The following GPC6 variants were observed in gnomAD, a reference collection of about 807,000 sequenced individuals.
GPC6 encodes the protein glypican-6.
Under a neutral mutation model 55.2 loss-of-function variants are expected in GPC6, and 14 were observed. The ratio of observed to expected loss-of-function variants is 0.25; its 90% CI spans 0.17 to 0.40. GPC6 has a LOEUF of 0.40. GPC6 is among the 10% of genes least tolerant of loss of function. The probability of loss-of-function intolerance (pLI) is 1.00; values close to 1 mark genes in which losing one functional copy is unlikely to be tolerated. For synonymous variants in GPC6, 278 were observed against 259.6 expected (o/e 1.07, Z -0.68); for missense variants, 641 against 708.5 (o/e 0.90, Z 1.08).
chr13:93,778,796 C>A (rs1262802210), intron 2 of GPC6, among the ~76,000 whole-genome samples: 3 of 152,168 alleles, frequency 2.0e-5, no homozygotes, highest in Non-Finnish European at 2.9e-5. Context: ...ACAGCCAAGT[C>A]TTTCCCATGG....
intron 1 of GPC6, among the ~76,000 whole-genome samples, chr13:93,338,060 A>T (rs1355325916): frequency 6.6e-6 from 1 of 152,148 alleles, no homozygotes; most frequent in Admixed American, 6.5e-5. Flanking sequence ...ATTAAACTTT[A>T]ATATTTTATA....
chr13:93,688,155 G>A (rs1000079464), intron 2 of GPC6, among the ~76,000 whole-genome samples: 2 of 152,052 alleles, frequency 1.3e-5, no homozygotes, highest in African/African-American at 4.8e-5. Flanking sequence ...GGGATTATGA[G>A]ATAACTTTGT....
chr13:93,441,282 A>G (rs1209794630), intron 1 of GPC6, among the ~76,000 whole-genome samples: 1 of 152,174 alleles, frequency 6.6e-6, no homozygotes. Flanking sequence ...TGTCTTCCAC[A>G]ATGGTTGAAC....
chr13:93,323,742 TA>T (rs1184931509), intron 1 of GPC6, among the ~76,000 whole-genome samples: 1 of 152,174 alleles, frequency 6.6e-6, no homozygotes, highest in Non-Finnish European at 1.5e-5. Context: ...AGTAAATTGT[TA>T]ATAGTAGCTG....
rs1182821705 is a variant in GPC6, at chr13:94,023,305, GT to G, written c.712-4413del. ...ATATAGACTTATCTAATTTTTCAGA[GT>G]TTTTTTTTTTAATGTTGGATGTTTT... On this transcript the variant is annotated intron_variant, in intron 3 of 8. Transcript: ENST00000377047. Among the ~76,000 whole-genome samples the G allele has an allele frequency of 5.2e-3, 747 of 144,194 alleles. 20 individuals carry two copies. The highest frequency in any genetic ancestry group is 0.04 in the Admixed American group (586 of 14,490). The allele number at this position is 144,194 out of a possible 152,430, so 94.6% of individuals were successfully genotyped here. A position where few individuals can be genotyped will look rare whatever the true frequency, so the allele number is the denominator to read the frequency against.
rs1388146510 is a variant in GPC6 at position 94,406,924 on chromosome 13, T to C, written c.*3707T>C. The C allele has an allele frequency of 6.6e-6, 1 of 152,158 alleles. No individual in the cohort carries two copies. Among genetic ancestry groups the C allele is most frequent in the Admixed American group, 6.5e-5 (1 of 15,276 alleles). The allele number at this position is 152,158 out of a possible 1,614,324, so 9.4% of individuals were successfully genotyped here. On this transcript the variant is annotated 3_prime_UTR_variant, in exon 9 of 9. Transcript: ENST00000377047. ...CTTACTAACGAACAGACCTGATTTT[T>C]ATTTAAAAACACAATTTAGCTTTGC...
intron 2 of GPC6, among the ~76,000 whole-genome samples, chr13:93,581,846 G>C (rs1308525700): frequency 6.6e-6 from 1 of 152,168 alleles, no homozygotes; most frequent in Non-Finnish European, 1.5e-5. Context: ...ATGTTCTTGA[G>C]TATCATGATT....
At chr13:93,821,665 T>C (rs548332986) in intron 2 of GPC6, among the ~76,000 whole-genome samples, 1 of 152,318 alleles carries the variant, frequency 6.6e-6, no homozygotes, top group East Asian at 1.9e-4. Flanking sequence ...ACATATCTTT[T>C]CTGTATTATA....
At chr13:94,224,383 C>G (rs1890483378) in intron 4 of GPC6, among the ~76,000 whole-genome samples, 1 of 151,324 alleles carries the variant, frequency 6.6e-6, no homozygotes, top group Non-Finnish European at 1.5e-5. Context: ...CCATCAAGGC[C>G]AAGACACTTT....
chr13:93,741,181 C>A (rs1356921850), intron 2 of GPC6, among the ~76,000 whole-genome samples: 2 of 119,400 alleles, frequency 1.7e-5, no homozygotes, highest in Non-Finnish European at 3.2e-5. Context: ...TGGAGTGCAT[C>A]TGGGCTCACT....
At chr13:93,318,884 T>C (rs1432643951) in intron 1 of GPC6, among the ~76,000 whole-genome samples, 1 of 152,194 alleles carries the variant, frequency 6.6e-6, no homozygotes, top group African/African-American at 2.4e-5. Flanking sequence ...CTATATGTTA[T>C]AGCTTTCCCT....
chr13:93,564,800 A>C (rs1163940080), intron 2 of GPC6, among the ~76,000 whole-genome samples: 1 of 152,162 alleles, frequency 6.6e-6, no homozygotes. Context: ...AAGATTTTTC[A>C]TACAAAATAA....
chr13:93,817,998 AACAT>A (rs1378635310), intron 2 of GPC6, among the ~76,000 whole-genome samples: 7 of 147,678 alleles, frequency 4.7e-5, no homozygotes, highest in African/African-American at 1.7e-4. Context: ...ATAAAATAAA[AACAT>A]AAATTATATA....
At chr13:94,349,132 A>G (rs1878418544) in intron 6 of GPC6, among the ~76,000 whole-genome samples, 1 of 152,192 alleles carries the variant, frequency 6.6e-6, no homozygotes, top group Admixed American at 6.5e-5. Flanking sequence ...AAAGCTGTGC[A>G]CTTCTGGAGG....
intron 1 of GPC6, among the ~76,000 whole-genome samples, chr13:93,441,690 T>C (rs1481483834): frequency 1.3e-5 from 2 of 152,204 alleles, no homozygotes; most frequent in African/African-American, 2.4e-5. Context: ...AAAAGCTCTT[T>C]AGTTTAATTA....
At chr13:93,660,400 G>T (rs1880873130) in intron 2 of GPC6, among the ~76,000 whole-genome samples, 4 of 152,028 alleles carry the variant, frequency 2.6e-5, no homozygotes, top group Admixed American at 2.6e-4. Context: ...CATGTTTATG[G>T]TACTTCTTGT....
chr13:94,077,138 T>C (rs769890216), intron 4 of GPC6, among the ~76,000 whole-genome samples: 2 of 151,834 alleles, frequency 1.3e-5, no homozygotes, highest in Non-Finnish European at 3.0e-5. Context: ...TTTCCATTTA[T>C]TTGGGTCTTT....
chr13:94,266,359 G>T (rs909886991), intron 4 of GPC6, among the ~76,000 whole-genome samples: 1 of 151,952 alleles, frequency 6.6e-6, no homozygotes, highest in Non-Finnish European at 1.5e-5. Flanking sequence ...TAGTAGAGAC[G>T]GGGTTTCACT....
intron 3 of GPC6, among the ~76,000 whole-genome samples, chr13:93,871,975 G>C (rs915677923): frequency 6.6e-6 from 1 of 151,498 alleles, no homozygotes; most frequent in Admixed American, 6.6e-5. Flanking sequence ...TAGATAAGAG[G>C]CACAAAAGAA....
Sources: allele counts gnomAD v4.1 joint callset (sites outside exome capture counted in the v4.1 genomes callset), GRCh38; gene constraint gnomAD v4.1.1; transcripts MANE v1.5; gene names NCBI Gene and HGNC (gene_info 2026-07-23, HGNC 2026-07-21).